Variants in CDH13 observed in about 807,000 individuals in gnomAD.
The protein encoded by CDH13 is cadherin 13, also known as cadherin-13.
A neutral mutation model predicts 63.8 loss-of-function variants in CDH13; 24 were observed. The observed-to-expected ratio is 0.38, with a 90% CI of 0.27 to 0.53. The LOEUF (loss-of-function observed/expected upper bound fraction) is 0.53. Among genes scored for constraint, CDH13 ranks in the 20% least tolerant of loss-of-function variants. CDH13 has a pLI of 0.85. For missense variants in CDH13, 1,049 were observed against 903.1 expected, an observed-to-expected ratio of 1.16 and a Z score of -2.07; for synonymous variants, 503 against 355.3, an observed-to-expected ratio of 1.42 and a Z score of -4.67.
intron 8 of CDH13, among the ~76,000 whole-genome samples, chr16:83,610,192 T>C (rs973617154): frequency 6.6e-6 from 1 of 152,110 alleles, no homozygotes; most frequent in East Asian, 1.9e-4. Flanking sequence ...GTAAAAGTCA[T>C]TAAGTCTTTA....
At chr16:82,776,464 TCTGTAGTTATGA>T (rs1330550356) in intron 1 of CDH13, among the ~76,000 whole-genome samples, 1 of 152,158 alleles carries the variant, frequency 6.6e-6, no homozygotes, top group Non-Finnish European at 1.5e-5. Context: ...AGTCTCTGAA[TCTGTAGTTATGA>T]CTGTAGTAAA....
chr16:82,825,274 C>T (rs957592744), intron 1 of CDH13: 32 of 152,182 alleles, frequency 2.1e-4, no homozygotes, highest in Admixed American at 2.1e-3. Context: ...CCTTCCAAAG[C>T]AGTAAGGTGC....
chr16:83,519,777 A>C (rs2074786219), intron 7 of CDH13, among the ~76,000 whole-genome samples: 1 of 152,198 alleles, frequency 6.6e-6, no homozygotes, highest in Admixed American at 6.5e-5. Context: ...TGGCAAAGGT[A>C]CAATCCTCCC....
At chr16:82,935,800 T>A (rs777727041) in intron 2 of CDH13, among the ~76,000 whole-genome samples, 2 of 151,880 alleles carry the variant, frequency 1.3e-5, no homozygotes, top group Non-Finnish European at 2.9e-5. Context: ...ACCAGGAAAA[T>A]TTAGGTCATG....
chr16:83,100,041 C>T (rs112706680), intron 3 of CDH13, among the ~76,000 whole-genome samples: 10,164 of 152,180 alleles, frequency 0.067, 560 homozygotes, highest in African/African-American at 0.15. Context: ...TTTAGCATCT[C>T]GATGGGTTTC....
At chr16:83,593,917 T>C (rs956767123) in intron 7 of CDH13, among the ~76,000 whole-genome samples, 2 of 152,192 alleles carry the variant, frequency 1.3e-5, no homozygotes, top group South Asian at 2.1e-4. Context: ...TCATTATCTA[T>C]TGCTGCATGA....
chr16:83,348,387 T>C (rs1289771415), intron 6 of CDH13, among the ~76,000 whole-genome samples: 1 of 152,208 alleles, frequency 6.6e-6, no homozygotes, highest in Non-Finnish European at 1.5e-5. Flanking sequence ...ACCTCTAGGG[T>C]TCAACGGTGT....
intron 1 of CDH13, among the ~76,000 whole-genome samples, chr16:82,632,582 C>T (rs1189210969): frequency 1.3e-5 from 2 of 152,148 alleles, no homozygotes; most frequent in Non-Finnish European, 2.9e-5. Context: ...CACGCACCAG[C>T]AGCCAAGGGA....
rs146170163 is a variant in CDH13, at chr16:82,772,992, T to C, written c.46-85370T>C. Among the ~76,000 whole-genome samples the C allele has an allele frequency of 3.3e-5, 5 of 152,164 alleles. No homozygotes were observed. The East Asian group carries it at 5.8e-4, about 18-fold the overall frequency. On this transcript the variant is annotated intron_variant, in intron 1 of 13. Coordinates refer to ENST00000567109, the MANE Select transcript of CDH13 (RefSeq NM_001257.5). ...ATCTGGTTATCAGGAAAAAAAACCA[T>C]GTAGAGAGCGCACGAGAGCCCAGAA...
intron 13 of CDH13, among the ~76,000 whole-genome samples, chr16:83,789,435 C>A (rs1383660778): frequency 6.6e-6 from 1 of 151,434 alleles, no homozygotes; most frequent in Admixed American, 6.6e-5. Context: ...CAACTTCTGC[C>A]TCCCAGGTTC....
chr16:83,076,595 A>G lies in CDH13; in HGVS notation c.366+44377A>G, dbSNP rs7187767. ...ACCTCGATTCTACAGTTTACATTTG[A>G]CATTTCCATATACTTGCTTTATATA... On this transcript the variant is annotated intron_variant, in intron 3 of 13. Coordinates refer to ENST00000567109, the MANE Select transcript of CDH13 (RefSeq NM_001257.5). Among the ~76,000 whole-genome samples, 983 of 152,248 alleles carry G rather than the reference A, an allele frequency of 6.5e-3. 15 individuals are homozygous for G. Among genetic ancestry groups the G allele is most frequent in the African/African-American group, 0.023 (952 of 41,538 alleles).
At chr16:82,876,723 TG>T (rs1408088481) in intron 2 of CDH13, among the ~76,000 whole-genome samples, 1 of 152,212 alleles carries the variant, frequency 6.6e-6, no homozygotes. Flanking sequence ...CTGATTGGCC[TG>T]GCATTGGGTC....
intron 1 of CDH13, among the ~76,000 whole-genome samples, chr16:82,837,334 G>C (rs913241078): frequency 3.3e-5 from 5 of 152,084 alleles, no homozygotes; most frequent in Non-Finnish European, 4.4e-5. Context: ...TCCATGTAAA[G>C]TGCTCCCCCC....
intron 1 of CDH13, among the ~76,000 whole-genome samples, chr16:82,808,687 G>A (rs865955741): frequency 2.0e-5 from 3 of 152,068 alleles, no homozygotes; most frequent in African/African-American, 2.4e-5. Context: ...GCTGTGTAAC[G>A]GGCACAGGTT....
intron 3 of CDH13, among the ~76,000 whole-genome samples, chr16:83,045,725 A>G (rs1917721526): frequency 6.6e-6 from 1 of 151,940 alleles, no homozygotes; most frequent in Non-Finnish European, 1.5e-5. Flanking sequence ...TGTTTGATAA[A>G]GACCATGGAT....
In CDH13 at chr16:83,588,955, G is replaced by A. The variant is rs568759155; in HGVS notation, c.961-13499G>A. 9.9e-5 allele frequency among the ~76,000 whole-genome samples: 15 copies of A among 152,240 alleles called. No homozygotes were observed. In the East Asian group the frequency reaches 1.2e-3, roughly 12 times the overall value. On this transcript the variant is annotated intron_variant, in intron 7 of 13. Coordinates refer to ENST00000567109, the MANE Select transcript of CDH13 (RefSeq NM_001257.5). ...GTCACCCCCCAGAGAAGGTGTACTC[G>A]TTTCCTGTGGCTTCCATAACAAATG...
intron 3 of CDH13, among the ~76,000 whole-genome samples, chr16:83,043,482 T>C (rs1280524271): frequency 7.4e-6 from 1 of 135,346 alleles, no homozygotes; most frequent in African/African-American, 2.8e-5. Flanking sequence ...ATAATAACTG[T>C]ATATATGAGT....
intron 7 of CDH13, among the ~76,000 whole-genome samples, chr16:83,588,610 C>G (rs961141964): frequency 6.6e-6 from 1 of 152,186 alleles, no homozygotes; most frequent in Non-Finnish European, 1.5e-5. Flanking sequence ...GTAATAAATA[C>G]TTAGAAAGTG....
chr16:82,924,794 C>A lies in CDH13; in HGVS notation c.157+66321C>A, dbSNP rs533099244. Among the ~76,000 whole-genome samples the A allele has an allele frequency of 1.1e-3, 162 of 152,206 alleles. 2 individuals carry two copies. The highest frequency in any genetic ancestry group is 3.6e-3 in the African/African-American group (148 of 41,536). On this transcript the variant is annotated intron_variant, in intron 2 of 13. Coordinates refer to ENST00000567109, the MANE Select transcript of CDH13 (RefSeq NM_001257.5). ...GCCTGTGTGAAGTGAAAGCTTTGAG[C>A]AATGGAACCAGCTAACATCTAGAAT...
Sources: allele counts gnomAD v4.1 joint callset (sites outside exome capture counted in the v4.1 genomes callset), GRCh38; gene constraint gnomAD v4.1.1; transcripts MANE v1.5; gene names NCBI Gene and HGNC (gene_info 2026-07-23, HGNC 2026-07-21).